Variants in SHC4 observed in about 807,000 individuals in gnomAD.
SHC4 encodes the protein SHC adaptor protein 4, also known as SHC-transforming protein 4.
A neutral mutation model predicts 69.4 loss-of-function variants in SHC4; 41 were observed. That is an observed-to-expected ratio of 0.59 (90% confidence interval 0.46 to 0.77). The LOEUF (loss-of-function observed/expected upper bound fraction) is 0.77. SHC4 is among the 30% of genes least tolerant of loss of function. The pLI is 0.00. For missense variants in SHC4, 777 were observed against 783.8 expected, an observed-to-expected ratio of 0.99 and a Z score of 0.10; for synonymous variants, 318 against 299.3, an observed-to-expected ratio of 1.06 and a Z score of -0.64.
chr15:48,946,969 AT>A (rs1387616745), intron 1 of SHC4, among the ~76,000 whole-genome samples: 1 of 152,192 alleles, frequency 6.6e-6, no homozygotes, highest in Non-Finnish European at 1.5e-5. Context: ...AGAGTCCGGT[AT>A]TATGTAAATA....
chr15:48,931,622 G>GTTTAGGCA (rs1375087219), intron 1 of SHC4, among the ~76,000 whole-genome samples: 2 of 151,812 alleles, frequency 1.3e-5, no homozygotes, highest in African/African-American at 4.8e-5. Context: ...ACTACCCCCA[G>GTTTAGGCA]CATTTACTAT....
At position 48,884,835 on chromosome 15, in the gene SHC4, A is replaced by C. The variant is rs13380221; in HGVS notation, c.721-468T>G. Among the ~76,000 whole-genome samples, 620 of 152,226 alleles carry C rather than the reference A, an allele frequency of 4.1e-3. 2 individuals are homozygous for C. The highest frequency in any genetic ancestry group is 0.015 in the African/African-American group (605 of 41,524). ...GTTCCTCCCTCATCTTTCCCTTCCC[A>C]GAGTTAAAAAGTCCTCTCTACTAGT... On this transcript the variant is annotated intron_variant, in intron 3 of 11. Coordinates refer to ENST00000332408, the MANE Select transcript of SHC4 (RefSeq NM_203349.4).
intron 1 of SHC4, among the ~76,000 whole-genome samples, chr15:48,956,179 T>G (rs1901451100): frequency 6.6e-6 from 1 of 152,152 alleles, no homozygotes; most frequent in Admixed American, 6.5e-5. Flanking sequence ...AGTCATCAGT[T>G]TTAGCTGGAA....
chr15:48,952,845 G>A (rs1035389825), intron 1 of SHC4, among the ~76,000 whole-genome samples: 1 of 152,192 alleles, frequency 6.6e-6, no homozygotes, highest in East Asian at 1.9e-4. Context: ...AACCATTGTG[G>A]AAGATAGTGT....
intron 1 of SHC4, among the ~76,000 whole-genome samples, chr15:48,959,278 T>C (rs1901500653): frequency 6.6e-6 from 1 of 152,230 alleles, no homozygotes; most frequent in Non-Finnish European, 1.5e-5. Flanking sequence ...TAGCACTTAA[T>C]GCCATCTGAA....
intron 1 of SHC4, among the ~76,000 whole-genome samples, chr15:48,929,123 C>T (rs1229789967): frequency 6.6e-6 from 1 of 152,080 alleles, no homozygotes; most frequent in African/African-American, 2.4e-5. Flanking sequence ...TTGACTCACA[C>T]AATCCATTTC....
At chr15:48,952,280 C>G (rs1004353097) in intron 1 of SHC4, among the ~76,000 whole-genome samples, 5 of 152,152 alleles carry the variant, frequency 3.3e-5, no homozygotes, top group Non-Finnish European at 5.9e-5. Context: ...GTCCCTAAAG[C>G]ACATGGGTTT....
At chr15:48,903,730 C>G (rs1261300326) in intron 2 of SHC4, among the ~76,000 whole-genome samples, 1 of 152,142 alleles carries the variant, frequency 6.6e-6, no homozygotes, top group African/African-American at 2.4e-5. Flanking sequence ...AACTCTGGGG[C>G]TGGGGTCCAA....
intron 1 of SHC4, among the ~76,000 whole-genome samples, chr15:48,935,064 A>G (rs1901041571): frequency 6.6e-6 from 1 of 152,188 alleles, no homozygotes; most frequent in African/African-American, 2.4e-5. Context: ...AAATGGGTGA[A>G]TTATATGGTA....
At chr15:48,829,793 C>G (rs1278723333) in intron 11 of SHC4, among the ~76,000 whole-genome samples, 1 of 152,184 alleles carries the variant, frequency 6.6e-6, no homozygotes, top group Non-Finnish European at 1.5e-5. Flanking sequence ...GTGGCGCACC[C>G]CTGTGGTCCC....
intron 3 of SHC4, 68 bp from the exon 4 acceptor site, chr15:48,884,435 T>C: frequency 1.4e-6 from 2 of 1,386,650 alleles, no homozygotes; most frequent in Non-Finnish European, 1.9e-6. Flanking sequence ...TGTTAATGTT[T>C]TTTAAATGTT....
chr15:48,962,677 C>T lies in SHC4; in HGVS notation c.339G>A (p.Glu113=), dbSNP rs368460637. The change falls in exon 1 of 12, where the codon GAG becomes GAA. Residue 113 remains glutamate (E), a synonymous_variant. Coordinates refer to ENST00000332408, the MANE Select transcript of SHC4 (RefSeq NM_203349.4). ...TTTCCTGGAGCTTCAGCCGAGGCAC[C>T]TCTTTGGTACCCAGGCAAAAGTTTT... ...SLKNFCLGTK[E]VPRLKLQESR... The T allele has an allele frequency of 1.8e-5, 29 of 1,614,188 alleles. No individual in the cohort carries two copies. The African/African-American group carries it at 3.3e-4, about 19-fold the overall frequency.
chr15:48,893,670 A>T (rs1900172726), intron 2 of SHC4, among the ~76,000 whole-genome samples: 1 of 152,222 alleles, frequency 6.6e-6, no homozygotes, highest in Non-Finnish European at 1.5e-5. Flanking sequence ...TACTTCACTC[A>T]TATTAAATTA....
At chr15:48,934,296 C>T (rs1381887599) in intron 1 of SHC4, among the ~76,000 whole-genome samples, 1 of 152,016 alleles carries the variant, frequency 6.6e-6, no homozygotes, top group Non-Finnish European at 1.5e-5. Flanking sequence ...GACATTTCTC[C>T]AAGAAATATA....
chr15:48,831,248 A>T (rs544861272), intron 11 of SHC4, among the ~76,000 whole-genome samples: 279 of 150,860 alleles, frequency 1.8e-3, no homozygotes, highest in Non-Finnish European at 3.4e-3. Context: ...TTTATTATTG[A>T]AGAAAGAAAA....
intron 6 of SHC4, among the ~76,000 whole-genome samples, chr15:48,858,985 C>T (rs993732076): frequency 6.6e-6 from 1 of 152,154 alleles, no homozygotes; most frequent in African/African-American, 2.4e-5. Flanking sequence ...ATTTTGAAAA[C>T]AAACCTGGAA....
At position 48,923,564 on chromosome 15, in the gene SHC4, A is replaced by G. The variant is rs1456429976; in HGVS notation, c.656+1315T>C. On this transcript the variant is annotated intron_variant, in intron 2 of 11. Coordinates refer to ENST00000332408, the MANE Select transcript of SHC4 (RefSeq NM_203349.4). ...TGTCTCAAAAAAAAAAAAAAAACAAAAAAGAAAAAAGAAAAAGAAAATTTT... is the reference window on the plus strand; with the variant it reads ...TGTCTCAAAAAAAAAAAAAAAACAAGAAAGAAAAAAGAAAAAGAAAATTTT... Among the ~76,000 whole-genome samples, 9 of 150,750 alleles carry G rather than the reference A, an allele frequency of 6.0e-5. No homozygotes were observed. In the East Asian group the frequency reaches 1.5e-3, roughly 26 times the overall value.
intron 11 of SHC4, among the ~76,000 whole-genome samples, chr15:48,828,236 T>A (rs1257894720): frequency 6.6e-6 from 1 of 152,102 alleles, no homozygotes; most frequent in African/African-American, 2.4e-5. Context: ...ATACAGCAGA[T>A]CTCTGGAACT....
At position 48,945,396 on chromosome 15, in the gene SHC4, T is replaced by C. The variant is rs541064491; in HGVS notation, c.585+17035A>G. On this transcript the variant is annotated intron_variant, in intron 1 of 11. Transcript: ENST00000332408. ...TACACCCAAGAAAGTTGAAAACATG[T>C]CTGCACAAAAACTTACCCATGAATG... Among the ~76,000 whole-genome samples, 3 of 151,932 alleles carry C rather than the reference T, an allele frequency of 2.0e-5. No homozygotes were observed. In the South Asian group the frequency reaches 6.2e-4, roughly 32 times the overall value.
Sources: gnomAD v4.1 joint callset for allele counts (sites outside exome capture counted in the v4.1 genomes callset) on GRCh38, gnomAD v4.1.1 for gene constraint, MANE v1.5 for transcripts, NCBI Gene and HGNC (gene_info 2026-07-23, HGNC 2026-07-21) for gene names.